Variants in LIMCH1 observed in about 807,000 individuals in gnomAD.
LIMCH1 encodes LIM and calponin homology domains 1.
LIMCH1 carries 113 observed loss-of-function variants against 176.5 expected under a neutral mutation model. The ratio of observed to expected loss-of-function variants is 0.64; its 90% CI spans 0.55 to 0.75. The LOEUF is 0.75. LIMCH1 is among the 30% of genes least tolerant of loss of function. LIMCH1 has a pLI of 0.00. For synonymous variants in LIMCH1, 619 were observed against 645.9 expected, an observed-to-expected ratio of 0.96 and a Z score of 0.63; for missense variants, 1,674 against 1,814.9, an observed-to-expected ratio of 0.92 and a Z score of 1.41.
At chr4:41,687,691 A>G (rs1722022380) in intron 28 of LIMCH1, 149 bp from the exon 29 acceptor site, 2 of 563,742 alleles carry the variant, frequency 3.5e-6, no homozygotes, top group Non-Finnish European at 6.4e-6. Flanking sequence ...ATTAAAAAAA[A>G]AAATACTGCC....
In LIMCH1 at chr4:41,574,147, G is replaced by A. The variant is rs537385740; in HGVS notation, c.-240-24773G>A. ...CAGAATCAGGTGGGATCTGGCAGGG[G>A]TCATCAAGTAAAAGTCTCAGAAAGA... On this transcript the variant is annotated intron_variant, in intron 1 of 31. Coordinates refer to ENST00000503057, the MANE Select transcript of LIMCH1 (RefSeq NM_001330672.2). 9.2e-5 allele frequency among the ~76,000 whole-genome samples: 14 copies of A among 151,900 alleles called. No homozygotes were observed. In the South Asian group the frequency reaches 2.9e-3, roughly 32 times the overall value.
chr4:41,560,722 CA>C (rs1188990775), intron 1 of LIMCH1, among the ~76,000 whole-genome samples: 1 of 150,626 alleles, frequency 6.6e-6, no homozygotes, highest in South Asian at 2.1e-4. Flanking sequence ...CCTGTCTCTA[CA>C]AAAAAAATAA....
At chr4:41,633,853 T>C (rs1199245954) in intron 13 of LIMCH1, 45 bp downstream of exon 13, 3 of 1,521,358 alleles carry the variant, frequency 2.0e-6, no homozygotes, top group Non-Finnish European at 2.6e-6. Flanking sequence ...TTCTCCAGTC[T>C]GAGCTTTCAG....
rs1323666480 is a variant in LIMCH1 at position 41,457,001 on chromosome 4, A to G, written c.97-37535A>G. On this transcript the variant is annotated intron_variant, in intron 1 of 26. Transcript: ENST00000313860. ...AGCAGCAGTCTCTGTCACAGAGGCTAAGACCATCAGAGCTTGAGGGCACAA... is the reference window on the plus strand; with the variant it reads ...AGCAGCAGTCTCTGTCACAGAGGCTGAGACCATCAGAGCTTGAGGGCACAA... Among the ~76,000 whole-genome samples the G allele has an allele frequency of 2.0e-5, 3 of 152,190 alleles. No homozygotes were observed. The East Asian group carries it at 5.8e-4, about 29-fold the overall frequency.
In LIMCH1 at chr4:41,494,543, CTG is replaced by C; in HGVS notation, c.105_106del (p.Gly36GlnfsTer5). On this transcript the variant is annotated frameshift_variant, in exon 2 of 27. Transcript: ENST00000313860. LOFTEE classifies it high-confidence loss of function. ...TTCTTTTCTTTTTTGCAGCAAGTAA[CTG>C]GCAGAAGTTTTGGTGATAAAGATTT... is the stretch of plus-strand genomic sequence containing the variant. 1 of 1,611,218 alleles carries C rather than the reference CTG, an allele frequency of 6.2e-7. No individual in the cohort carries two copies. Among genetic ancestry groups the C allele is most frequent in the Non-Finnish European group, 8.5e-7 (1 of 1,179,102 alleles).
intron 7 of LIMCH1, among the ~76,000 whole-genome samples, chr4:41,623,234 C>G (rs919406012): frequency 1.3e-5 from 2 of 152,150 alleles, no homozygotes; most frequent in East Asian, 3.8e-4. Flanking sequence ...TGATATCTCT[C>G]GAGGCATTTT....
At chr4:41,571,922 G>A (rs2083625820) in intron 1 of LIMCH1, among the ~76,000 whole-genome samples, 1 of 152,140 alleles carries the variant, frequency 6.6e-6, no homozygotes, top group Non-Finnish European at 1.5e-5. Context: ...CTTGAGGGGT[G>A]CCTTATAGCA....
intron 1 of LIMCH1, among the ~76,000 whole-genome samples, chr4:41,401,561 C>A (rs1283972829): frequency 4.6e-5 from 7 of 152,052 alleles, no homozygotes; most frequent in South Asian, 2.1e-4. Context: ...TTTTCCAATT[C>A]TGTGAAGAAA....
intron 1 of LIMCH1, among the ~76,000 whole-genome samples, chr4:41,481,330 T>C (rs1278478252): frequency 6.6e-6 from 1 of 152,194 alleles, no homozygotes; most frequent in Non-Finnish European, 1.5e-5. Flanking sequence ...TGCAGCATGG[T>C]GGGGCGGTGA....
chr4:41,475,509 G>A lies in LIMCH1; in HGVS notation c.97-19027G>A, dbSNP rs369435736. The stretch of plus-strand genomic sequence containing the variant: ...GTTGAGCATGAATTCAGCTAAGGTG[G>A]GAATGTTGAAACCACAGAAGCTGGC... On this transcript the variant is annotated intron_variant, in intron 1 of 26. Transcript: ENST00000313860. Among the ~76,000 whole-genome samples the A allele has an allele frequency of 5.2e-4, 79 of 152,240 alleles. No individual in the cohort carries two copies. In the South Asian group the frequency reaches 0.016, roughly 32 times the overall value.
intron 18 of LIMCH1, 148 bp from the exon 19 acceptor site, chr4:41,661,272 G>T (rs2094608014): frequency 1.6e-6 from 1 of 637,544 alleles, no homozygotes; most frequent in African/African-American, 1.8e-5. Context: ...ACCAATCCAG[G>T]CTCTCGCCAT....
At chr4:41,590,160 A>C (rs2087244180) in intron 1 of LIMCH1, among the ~76,000 whole-genome samples, 1 of 151,806 alleles carries the variant, frequency 6.6e-6, no homozygotes, top group South Asian at 2.1e-4. Context: ...TGGCACAATC[A>C]CGGCTCACTT....
At chr4:41,526,261 C>CTTTTTTTTTTTTTTTTTTT in intron 3 of LIMCH1, among the ~76,000 whole-genome samples, 1 of 131,024 alleles carries the variant, frequency 7.6e-6, no homozygotes, top group Non-Finnish European at 1.6e-5. Flanking sequence ...CTTGCTATCG[C>CTTTTTTTTTTTTTTTTTTT]TTTTTTTTTT....
intron 2 of LIMCH1, among the ~76,000 whole-genome samples, chr4:41,514,795 A>G (rs2075375939): frequency 6.6e-6 from 1 of 152,168 alleles, no homozygotes; most frequent in Non-Finnish European, 1.5e-5. Context: ...TACTGCACCT[A>G]TCTTGCTATG....
At chr4:41,448,361 A>G (rs1402429313) in intron 1 of LIMCH1, among the ~76,000 whole-genome samples, 1 of 152,156 alleles carries the variant, frequency 6.6e-6, no homozygotes, top group Non-Finnish European at 1.5e-5. Flanking sequence ...GAAGGCTCGA[A>G]GACTCAACCA....
intron 28 of LIMCH1, 44 bp downstream of exon 28, chr4:41,685,874 A>G: frequency 6.3e-7 from 1 of 1,596,144 alleles, no homozygotes; most frequent in Non-Finnish European, 8.5e-7. Context: ...CTTTTTTAAA[A>G]ATTCATTTAG....
intron 18 of LIMCH1, among the ~76,000 whole-genome samples, chr4:41,657,768 G>T (rs185543862): frequency 6.6e-6 from 1 of 152,052 alleles, no homozygotes; most frequent in African/African-American, 2.4e-5. Flanking sequence ...CAAGGATTAC[G>T]CATGTATCTG....
At chr4:41,634,576 C>A (rs1219519501) in intron 13 of LIMCH1, among the ~76,000 whole-genome samples, 2 of 152,168 alleles carry the variant, frequency 1.3e-5, no homozygotes, top group African/African-American at 4.8e-5. Context: ...CCCTAGCCAT[C>A]TTGATCACCT....
At chr4:41,634,440 C>G (rs2093476647) in intron 13 of LIMCH1, among the ~76,000 whole-genome samples, 1 of 152,156 alleles carries the variant, frequency 6.6e-6, no homozygotes, top group African/African-American at 2.4e-5. Flanking sequence ...AATTTATAAG[C>G]TCACCATAAA....
Sources: allele counts gnomAD v4.1 joint callset (sites outside exome capture counted in the v4.1 genomes callset), GRCh38; gene constraint gnomAD v4.1.1; transcripts MANE v1.5; gene names NCBI Gene and HGNC (gene_info 2026-07-23, HGNC 2026-07-21).